Variants in MCMDC2 observed in about 807,000 individuals in gnomAD.
The protein encoded by MCMDC2 is minichromosome maintenance domain containing 2, also known as minichromosome maintenance domain-containing protein 2.
MCMDC2 carries 54 observed loss-of-function variants against 75.8 expected under a neutral mutation model. The ratio of observed to expected loss-of-function variants is 0.71; its 90% CI spans 0.57 to 0.89. The LOEUF (loss-of-function observed/expected upper bound fraction) is 0.89, where lower values mean the gene tolerates loss of function less well. MCMDC2 is among the 40% of genes least tolerant of loss of function. The pLI, the probability that MCMDC2 is intolerant of heterozygous loss-of-function variation, is 0.00. For synonymous variants in MCMDC2, 249 were observed against 274.6 expected (o/e 0.91, Z 0.92); for missense variants, 656 against 780.4 (o/e 0.84, Z 1.90).
At chr8:66,912,283 G>C (rs1264390811) in intron 14 of MCMDC2, among the ~76,000 whole-genome samples, 1 of 152,208 alleles carries the variant, frequency 6.6e-6, no homozygotes, top group Non-Finnish European at 1.5e-5. Context: ...CTGAAGATGT[G>C]ACTTAATTGC....
intron 1 of MCMDC2, among the ~76,000 whole-genome samples, chr8:66,872,788 T>G (rs985738878): frequency 3.3e-5 from 5 of 152,026 alleles, no homozygotes; most frequent in Non-Finnish European, 5.9e-5. Context: ...TGAAACTCCG[T>G]CTCTACTAAA....
chr8:66,886,682 C>T lies in MCMDC2; in HGVS notation c.1073+2688C>T, dbSNP rs570037244. ...CAGCTACACTTGGGAAGCTGAGGCA[C>T]GAGAACTGCTTGAACCCAGGAGGTG... On this transcript the variant is annotated intron_variant, in intron 9 of 14. Transcript: ENST00000422365. Among the ~76,000 whole-genome samples, 9 of 151,506 alleles carry T rather than the reference C, an allele frequency of 5.9e-5. No individual in the cohort carries two copies. The South Asian group carries it at 1.5e-3, about 25-fold the overall frequency.
chr8:66,922,884 C>T (rs1297406195), downstream of MCMDC2, among the ~76,000 whole-genome samples: 4 of 152,206 alleles, frequency 2.6e-5, no homozygotes, highest in African/African-American at 4.8e-5. Context: ...TAAAAAAGTA[C>T]TATTATTCTA....
In MCMDC2 at chr8:66,890,914, G is replaced by A; in HGVS notation, c.1123G>A (p.Val375Ile). The change falls in exon 10 of 15, where the codon GTC becomes ATC. Residue 375 changes from valine to isoleucine, a missense_variant. Coordinates refer to ENST00000422365, the MANE Select transcript of MCMDC2 (RefSeq NM_173518.5). ...TGTCCCCCGTGGTATACGTCATCTA[G>A]TCTCTACTGAAATTTTTCCCACTCT... ...NLVPRGIRHL[V>I]STEIFPTLSR... 6.2e-7 allele frequency: 1 copy of A among 1,613,582 alleles called. No individual in the cohort carries two copies. The highest frequency in any genetic ancestry group is 8.5e-7 in the Non-Finnish European group (1 of 1,179,906).
In MCMDC2 at chr8:66,880,870, A is replaced by G; in HGVS notation, c.731A>G (p.Asn244Ser). The G allele has an allele frequency of 6.4e-7, 1 of 1,557,138 alleles. No homozygotes were observed. The highest frequency in any genetic ancestry group is 8.7e-7 in the Non-Finnish European group (1 of 1,151,728). ...FLRDESVNKM[N>S]IGNEYKIIGI... The stretch of plus-strand genomic sequence containing the variant: ...TTAGATGAATCAGTGAATAAAATGA[A>G]TATAGGAAATGAATATAAAATTATT... Residue 244 changes from asparagine to serine, a missense_variant, in exon 8 of 15, where the codon AAT becomes AGT. Transcript: ENST00000422365.
chr8:66,871,648 G>C (rs532536836), intron 1 of MCMDC2: 7 of 152,286 alleles, frequency 4.6e-5, no homozygotes, highest in Non-Finnish European at 2.9e-5. Flanking sequence ...TGGGCTAGGC[G>C]TAGTGGCTCA....
At chr8:66,912,928 GTAA>G (rs933789249) in intron 14 of MCMDC2, among the ~76,000 whole-genome samples, 15 of 151,278 alleles carry the variant, frequency 9.9e-5, no homozygotes, top group African/African-American at 3.2e-4. Flanking sequence ...AACTTAAAGT[GTAA>G]TAAAAAACAT....
At chr8:66,882,568 G>A (rs1158218989) in intron 8 of MCMDC2, among the ~76,000 whole-genome samples, 3 of 152,080 alleles carry the variant, frequency 2.0e-5, no homozygotes, top group Non-Finnish European at 4.4e-5. Flanking sequence ...GTTTCACCAT[G>A]TTGACCAGGC....
At chr8:66,898,952 TACAATAA>T (rs1326032614) in intron 12 of MCMDC2, among the ~76,000 whole-genome samples, 1 of 152,270 alleles carries the variant, frequency 6.6e-6, no homozygotes, top group Non-Finnish European at 1.5e-5. Context: ...TTGGCATATT[TACAATAA>T]GTCTTGCACA....
At position 66,878,815 on chromosome 8, in the gene MCMDC2, A is replaced by G; in HGVS notation, c.605A>G (p.Asp202Gly). Residue 202 changes from aspartate (D) to glycine (G), a missense_variant and splice_region_variant, in exon 7 of 15, where the codon GAT becomes GGT. Asp to Gly is a moderately conservative substitution (Grantham distance 94, BLOSUM62 -1). Transcript: ENST00000422365. Reference protein sequence around the residue: ...QEDRKFRVLGDKQIVEIIATK... With the variant: ...QEDRKFRVLGGKQIVEIIATK... ...ATTATTTTTTGCTCTTTGCTTTAAG[A>G]TAAACAAATAGTTGAAATAATTGCC... 1 of 1,591,356 alleles carries G rather than the reference A, an allele frequency of 6.3e-7. No individual in the cohort carries two copies. Among genetic ancestry groups the G allele is most frequent in the Non-Finnish European group, 8.6e-7 (1 of 1,169,508 alleles).
chr8:66,877,406 C>A lies in MCMDC2; in HGVS notation c.343C>A (p.Leu115Ile). 1 of 1,613,148 alleles carries A rather than the reference C, an allele frequency of 6.2e-7. No homozygotes were observed. Among genetic ancestry groups the A allele is most frequent in the Non-Finnish European group, 8.5e-7 (1 of 1,179,448 alleles). ...TCCCCTGCCAAGTTATGGTCTTGAT[C>A]TTTGTGAGTTTCCACTTGATTATAC... The part of the protein sequence containing the change: ...LPPLPSYGLD[L>I]CEFPLDYTSQ... The change falls in exon 5 of 15, where the codon CTT becomes ATT. Residue 115 changes from leucine (L) to isoleucine (I), a missense_variant. By Grantham distance (5) the Leu-to-Ile change is conservative. Transcript: ENST00000422365.
chr8:66,924,351 G>C (rs886294157), downstream of MCMDC2, among the ~76,000 whole-genome samples: 1 of 151,902 alleles, frequency 6.6e-6, no homozygotes, highest in Non-Finnish European at 1.5e-5. Context: ...CTATGGCCGG[G>C]CGCGGTAACT....
chr8:66,874,680 A>T (rs1811191961), intron 4 of MCMDC2, 94 bp downstream of exon 4: 5 of 1,105,092 alleles, frequency 4.5e-6, no homozygotes, highest in Admixed American at 2.8e-5. Context: ...TTTATTTAAA[A>T]GGATACTACT....
intron 9 of MCMDC2, among the ~76,000 whole-genome samples, chr8:66,885,183 A>C (rs1454487865): frequency 6.6e-6 from 1 of 151,854 alleles, no homozygotes. Context: ...AATACAAAAA[A>C]TTAGCCAGGT....
In MCMDC2 at chr8:66,902,707, AAAAAAT is replaced by A. The variant is rs1326789984; in HGVS notation, c.1769+1361_1769+1366del. Among the ~76,000 whole-genome samples the A allele has an allele frequency of 2.8e-3, 335 of 121,066 alleles. 1 individual carries two copies. Among genetic ancestry groups the A allele is most frequent in the African/African-American group, 9.2e-3 (260 of 28,110 alleles). 79.4% of individuals were successfully genotyped at this position (121,066 alleles called of 152,430 possible). Reference sequence around the variant, plus strand: ...GATTCTGTCTCAAAAAAAAAAAAAAAAAAAATATATATATATATATATATATATATA... The same window carrying A: ...GATTCTGTCTCAAAAAAAAAAAAAAAATATATATATATATATATATATATA... On this transcript the variant is annotated intron_variant, in intron 13 of 14. Transcript: ENST00000422365.
intron 9 of MCMDC2, among the ~76,000 whole-genome samples, chr8:66,886,628 T>G (rs1811853128): frequency 6.6e-6 from 1 of 152,026 alleles, no homozygotes; most frequent in South Asian, 2.1e-4. Context: ...CAAAAATTAT[T>G]TGGGCATGGT....
At chr8:66,891,975 C>A (rs1056652914) in intron 10 of MCMDC2, among the ~76,000 whole-genome samples, 1 of 152,198 alleles carries the variant, frequency 6.6e-6, no homozygotes, top group Non-Finnish European at 1.5e-5. Flanking sequence ...TTGGAGATAC[C>A]AGCAACGGTG....
At chr8:66,889,022 C>G (rs1811973521) in intron 9 of MCMDC2, among the ~76,000 whole-genome samples, 1 of 152,166 alleles carries the variant, frequency 6.6e-6, no homozygotes, top group South Asian at 2.1e-4. Flanking sequence ...ATCGCTCTCT[C>G]TCTCTCATTT....
chr8:66,891,120 A>T, intron 10 of MCMDC2, 50 bp downstream of exon 10: 1 of 1,435,208 alleles, frequency 7.0e-7, no homozygotes. Flanking sequence ...CTATACTCTC[A>T]TCCATGTTGA....
Sources: gnomAD v4.1 joint callset for allele counts (sites outside exome capture counted in the v4.1 genomes callset) on GRCh38, gnomAD v4.1.1 for gene constraint, MANE v1.5 for transcripts, NCBI Gene and HGNC (gene_info 2026-07-23, HGNC 2026-07-21) for gene names.